ADAMDEC1: variants seen among roughly 807,000 people sequenced by gnomAD.
The protein encoded by ADAMDEC1 is ADAM DEC1.
Under a neutral mutation model 60.4 loss-of-function variants are expected in ADAMDEC1, and 62 were observed. That is an observed-to-expected ratio of 1.03 (90% CI 0.84 to 1.27). ADAMDEC1 has a LOEUF of 1.27. Among genes scored for constraint, ADAMDEC1 ranks in the 50% most tolerant of loss-of-function variants. The pLI, the probability that ADAMDEC1 is intolerant of heterozygous loss-of-function variation, is 0.00. For missense variants in ADAMDEC1, 595 were observed against 565.0 expected (o/e 1.05, Z -0.54); for synonymous variants, 210 against 195.1 (o/e 1.08, Z -0.64).
At chr8:24,399,241 TG>T in intron 9 of ADAMDEC1, 151 bp from the exon 10 acceptor site, 1 of 979,494 alleles carries the variant, frequency 1.0e-6, no homozygotes, top group Non-Finnish European at 1.5e-6. Flanking sequence ...TAACCATCTG[TG>T]GTCATAACAC....
chr8:24,389,012 C>T (rs1238916340), intron 1 of ADAMDEC1, among the ~76,000 whole-genome samples: 1 of 152,004 alleles, frequency 6.6e-6, no homozygotes, highest in Non-Finnish European at 1.5e-5. Context: ...AAGGGATGTA[C>T]GGGACAATTG....
chr8:24,397,665 C>G lies in ADAMDEC1; in HGVS notation c.628-18C>G, dbSNP rs574365393. On this transcript the variant is annotated intron_variant, in intron 6 of 13. Transcript: ENST00000256412. ...GATAAAGATAATGATTAACAATGTT[C>G]TTTTATTCTTTGTAAAGAAAGAAGA... 1.2e-6 allele frequency: 2 copies of G among 1,606,584 alleles called. No homozygotes were observed. Among genetic ancestry groups the G allele is most frequent in the Non-Finnish European group, 1.7e-6 (2 of 1,174,412 alleles).
At chr8:24,403,025 T>G (rs1365014799) in intron 12 of ADAMDEC1, among the ~76,000 whole-genome samples, 1 of 152,110 alleles carries the variant, frequency 6.6e-6, no homozygotes, top group Non-Finnish European at 1.5e-5. Flanking sequence ...TAGGTACTTC[T>G]GGTTTCAGCA....
In ADAMDEC1 at chr8:24,392,338, AAG is replaced by A. The variant is rs750291885; in HGVS notation, c.171_172del (p.Glu57AspfsTer16). ...CTAAAAAACTTCACATTTTACACAA[AAG>A]AGAGATCAAGAACAACCAGACAGAA... Reference protein sequence around the residue: ...CPKKLHILHKREIKNNQTEKH... With the variant: ...CPKKLHILHKXEIKNNQTEKH... On this transcript the variant is annotated frameshift_variant, in exon 2 of 14. Coordinates refer to ENST00000256412, the MANE Select transcript of ADAMDEC1 (RefSeq NM_014479.3). LOFTEE classifies it high-confidence loss of function. 3 of 1,612,340 alleles carry A rather than the reference AAG, an allele frequency of 1.9e-6. No homozygotes were observed. In the South Asian group the frequency reaches 3.3e-5, roughly 18 times the overall value.
At chr8:24,399,297 G>C in intron 9 of ADAMDEC1, 96 bp from the exon 10 acceptor site, 1 of 1,303,440 alleles carries the variant, frequency 7.7e-7, no homozygotes, top group Admixed American at 1.7e-5. Context: ...ATATAAAAAG[G>C]CTAGGGCAGC....
intron 12 of ADAMDEC1, among the ~76,000 whole-genome samples, chr8:24,402,317 T>C (rs965179004): frequency 1.3e-5 from 2 of 152,138 alleles, no homozygotes; most frequent in African/African-American, 2.4e-5. Flanking sequence ...AAAAAGTAAA[T>C]TGTTAACTAT....
At chr8:24,399,857 G>A (rs952058841) in intron 10 of ADAMDEC1, among the ~76,000 whole-genome samples, 2 of 152,134 alleles carry the variant, frequency 1.3e-5, no homozygotes, top group Admixed American at 6.6e-5. Context: ...CAGTGTCATA[G>A]GTATCATAGC....
chr8:24,390,580 T>A (rs951869633), intron 1 of ADAMDEC1, among the ~76,000 whole-genome samples: 5 of 151,852 alleles, frequency 3.3e-5, no homozygotes, highest in African/African-American at 1.2e-4. Context: ...ATTAGCCAGG[T>A]GTGGTGGTAC....
Position 24,400,219 on chromosome 8 carries a change from TG to T in ADAMDEC1, c.1064del (p.Gly355AlafsTer21). On this transcript the variant is annotated frameshift_variant, in exon 11 of 14. Transcript: ENST00000256412. LOFTEE classifies it high-confidence loss of function. ...CTTGTAGGAGTGATGTCACATGAGCTGGGCCATGTCCTTGGTATGCCTGATG... is the reference window on the plus strand; with the variant it reads ...CTTGTAGGAGTGATGTCACATGAGCTGGCCATGTCCTTGGTATGCCTGATG... ...VALVGVMSHELGHVLGMPDVP... is the reference protein window; with the variant it reads ...VALVGVMSHEXGHVLGMPDVP... 6.2e-7 allele frequency: 1 copy of T among 1,611,128 alleles called. No homozygotes were observed. Among genetic ancestry groups the T allele is most frequent in the Non-Finnish European group, 8.5e-7 (1 of 1,178,444 alleles).
intron 8 of ADAMDEC1, 53 bp downstream of exon 8, chr8:24,398,604 G>GGCA: frequency 7.8e-7 from 1 of 1,276,294 alleles, no homozygotes; most frequent in Non-Finnish European, 1.1e-6. Context: ...AGTTCTGCCT[G>GGCA]GAACTTCCCT....
intron 1 of ADAMDEC1, among the ~76,000 whole-genome samples, chr8:24,391,414 C>T (rs1320739998): frequency 1.3e-5 from 2 of 152,158 alleles, no homozygotes; most frequent in African/African-American, 2.4e-5. Context: ...TTTACACTAA[C>T]CTATACCTTA....
At chr8:24,403,883 T>C in intron 12 of ADAMDEC1, 120 bp from the exon 13 acceptor site, 1 of 680,226 alleles carries the variant, frequency 1.5e-6, no homozygotes, top group Non-Finnish European at 2.5e-6. Flanking sequence ...AATTTGCCTA[T>C]CAGAGTAATT....
chr8:24,405,066 G>A (rs553913614), intron 13 of ADAMDEC1, among the ~76,000 whole-genome samples: 2 of 152,280 alleles, frequency 1.3e-5, no homozygotes, highest in East Asian at 3.9e-4. Flanking sequence ...GTGGACTCAG[G>A]AAACTAAAAT....
Position 24,405,413 on chromosome 8 carries a change from A to G in ADAMDEC1, c.*115A>G. On this transcript the variant is annotated 3_prime_UTR_variant, in exon 14 of 14. Coordinates refer to ENST00000256412, the MANE Select transcript of ADAMDEC1 (RefSeq NM_014479.3). ...ATAATGGTCTTTCACTTGTCATTCT[A>G]CTTTCTATATTGTTATCAGTCCAGG... The G allele has an allele frequency of 8.3e-7, 1 of 1,209,716 alleles. No homozygotes were observed. Among genetic ancestry groups the G allele is most frequent in the Non-Finnish European group, 1.2e-6 (1 of 835,082 alleles). 74.9% of individuals were successfully genotyped at this position (1,209,716 alleles called of 1,614,324 possible).
chr8:24,388,361 C>T (rs1286844286), intron 1 of ADAMDEC1, among the ~76,000 whole-genome samples: 2 of 152,238 alleles, frequency 1.3e-5, no homozygotes, highest in East Asian at 3.9e-4. Context: ...CTCTTCTATC[C>T]TACTTCTACA....
chr8:24,392,090 G>A (rs1040839589), intron 1 of ADAMDEC1, among the ~76,000 whole-genome samples, 172 bp from the exon 2 acceptor site: 1 of 151,626 alleles, frequency 6.6e-6, no homozygotes, highest in East Asian at 1.9e-4. Context: ...AAAAATCCTT[G>A]TCATCAAAGC....
intron 12 of ADAMDEC1, among the ~76,000 whole-genome samples, chr8:24,403,414 C>T (rs963142716): frequency 6.6e-6 from 1 of 151,818 alleles, no homozygotes; most frequent in Non-Finnish European, 1.5e-5. Flanking sequence ...TTCTCCCAGG[C>T]ATCACACTAT....
In ADAMDEC1 at chr8:24,400,287, A is replaced by G; in HGVS notation, c.1129A>G (p.Asn377Asp). ...GTGTCCCTCTGGCAGTTGTGTGATG[A>G]ATCAGTATCTGAGGTGAGACCTTGT... ...TKCPSGSCVM[N>D]QYLSSKFPKD... Residue 377 changes from asparagine to aspartate, a missense_variant, in exon 11 of 14, where the codon AAT (asparagine) becomes GAT (aspartate). By Grantham distance (23) the Asn-to-Asp change is conservative (BLOSUM62 1). Coordinates refer to ENST00000256412, the MANE Select transcript of ADAMDEC1 (RefSeq NM_014479.3). 1 of 1,608,380 alleles carries G rather than the reference A, an allele frequency of 6.2e-7. No homozygotes were observed. Among genetic ancestry groups the G allele is most frequent in the Non-Finnish European group, 8.5e-7 (1 of 1,177,776 alleles).
At position 24,402,300 on chromosome 8, in the gene ADAMDEC1, A is replaced by C. The variant is rs554575754; in HGVS notation, c.1320+208A>C. Among the ~76,000 whole-genome samples the C allele has an allele frequency of 1.4e-4, 21 of 152,306 alleles. No homozygotes were observed. The East Asian group carries it at 3.8e-3, about 28-fold the overall frequency. Reference sequence around the variant, plus strand: ...GATTTTGACATAATTATATGAAGTTAAATGTAAAAAAGTAAATTGTTAACT... The same window carrying C: ...GATTTTGACATAATTATATGAAGTTCAATGTAAAAAAGTAAATTGTTAACT... On this transcript the variant is annotated intron_variant, in intron 12 of 13. Transcript: ENST00000256412.
Sources: allele counts gnomAD v4.1 joint callset (sites outside exome capture counted in the v4.1 genomes callset), GRCh38; gene constraint gnomAD v4.1.1; transcripts MANE v1.5; gene names NCBI Gene and HGNC (gene_info 2026-07-23, HGNC 2026-07-21).